SPAG16: variants seen among roughly 807,000 people sequenced by gnomAD.
The protein encoded by SPAG16 is sperm associated antigen 16.
SPAG16 carries 86 observed loss-of-function variants against 80.4 expected under a neutral mutation model. The observed-to-expected ratio is 1.07, with a 90% CI of 0.90 to 1.28. The LOEUF (loss-of-function observed/expected upper bound fraction) is 1.28, where lower values mean the gene tolerates loss of function less well. Among genes scored for constraint, SPAG16 ranks in the 50% most tolerant of loss-of-function variants. The probability of loss-of-function intolerance (pLI) is 0.00; values close to 1 mark genes in which losing one functional copy is unlikely to be tolerated. For missense variants in SPAG16, 870 were observed against 765.3 expected, an observed-to-expected ratio of 1.14 and a Z score of -1.61; for synonymous variants, 294 against 265.9, an observed-to-expected ratio of 1.11 and a Z score of -1.03.
chr2:213,340,410 C>A, intron 6 of SPAG16, 140 bp downstream of exon 6: 1 of 638,118 alleles, frequency 1.6e-6, no homozygotes, highest in Non-Finnish European at 2.7e-6. Flanking sequence ...CCCTTGCTGT[C>A]AAGGGTCTCA....
chr2:213,807,808 A>C (rs1212362176), intron 10 of SPAG16, among the ~76,000 whole-genome samples: 1 of 152,200 alleles, frequency 6.6e-6, no homozygotes, highest in Non-Finnish European at 1.5e-5. Context: ...AAATTGTGTT[A>C]ATTCATAATG....
intron 11 of SPAG16, among the ~76,000 whole-genome samples, chr2:213,867,589 TATC>T (rs1403054492): frequency 6.6e-6 from 1 of 152,272 alleles, no homozygotes; most frequent in South Asian, 2.1e-4. Flanking sequence ...AAATGTTAGC[TATC>T]ATCATATTTT....
At chr2:214,376,341 T>C (rs1700129648) in intron 15 of SPAG16, among the ~76,000 whole-genome samples, 1 of 152,188 alleles carries the variant, frequency 6.6e-6, no homozygotes, top group South Asian at 2.1e-4. Context: ...AACAACTTAG[T>C]AACTTAGTAA....
At chr2:214,357,513 A>G (rs1442515958) in intron 15 of SPAG16, among the ~76,000 whole-genome samples, 3 of 151,674 alleles carry the variant, frequency 2.0e-5, no homozygotes, top group African/African-American at 4.8e-5. Flanking sequence ...TGAGTTTCTC[A>G]TTTCAATTCT....
intron 3 of SPAG16, among the ~76,000 whole-genome samples, chr2:213,299,677 C>G (rs1184957327): frequency 6.6e-6 from 1 of 151,954 alleles, no homozygotes; most frequent in Non-Finnish European, 1.5e-5. Flanking sequence ...GTATTTGATA[C>G]TATCCGTTTT....
intron 6 of SPAG16, among the ~76,000 whole-genome samples, chr2:213,340,900 T>A (rs547216540): frequency 6.6e-6 from 1 of 152,198 alleles, no homozygotes; most frequent in African/African-American, 2.4e-5. Context: ...AAGGCAGTGC[T>A]ATCCAACAGA....
At chr2:213,896,654 T>C (rs1478574359) in intron 11 of SPAG16, among the ~76,000 whole-genome samples, 1 of 151,346 alleles carries the variant, frequency 6.6e-6, no homozygotes, top group Admixed American at 6.6e-5. Context: ...ATTATGTGTG[T>C]GTTTATATAT....
intron 4 of SPAG16, among the ~76,000 whole-genome samples, chr2:213,312,606 A>AT (rs1312705802): frequency 6.6e-6 from 1 of 151,638 alleles, no homozygotes; most frequent in Non-Finnish European, 1.5e-5. Context: ...TTTACTTCGT[A>AT]TTCAACACTT....
intron 11 of SPAG16, among the ~76,000 whole-genome samples, chr2:213,927,760 A>G (rs2078551400): frequency 6.6e-6 from 1 of 152,216 alleles, no homozygotes; most frequent in Non-Finnish European, 1.5e-5. Flanking sequence ...TATAAAACTT[A>G]TATGAGAGGG....
chr2:214,258,118 T>A (rs1424921964), intron 15 of SPAG16, among the ~76,000 whole-genome samples: 1 of 152,046 alleles, frequency 6.6e-6, no homozygotes, highest in Middle Eastern at 3.2e-3. Context: ...TTCAGTAGGT[T>A]TGGGAGAACA....
In SPAG16 at chr2:214,062,667, CTTTTTTTT is replaced by C. The variant is rs36069141; in HGVS notation, c.1528-45516_1528-45509del. 4.9e-5 allele frequency among the ~76,000 whole-genome samples: 6 copies of C among 122,772 alleles called. No homozygotes were observed. The Admixed American group carries it at 5.3e-4, about 11-fold the overall frequency. The allele number at this position is 122,772 out of a possible 152,430, so 80.5% of individuals were successfully genotyped here. A position where few individuals can be genotyped will look rare whatever the true frequency, so the allele number is the denominator to read the frequency against. ...ACCGCACCTGTTGTAATAGCCTCCT[CTTTTTTTT>C]TTTTTTTTTTTTAGTCTCTGCTCTC... is the stretch of plus-strand genomic sequence containing the variant. On this transcript the variant is annotated intron_variant, in intron 13 of 15. Transcript: ENST00000331683.
At chr2:213,388,591 C>T (rs1029696967) in intron 9 of SPAG16, among the ~76,000 whole-genome samples, 2 of 152,068 alleles carry the variant, frequency 1.3e-5, no homozygotes, top group African/African-American at 4.8e-5. Flanking sequence ...TAAATAAACA[C>T]AAACAATAGT....
intron 3 of SPAG16, among the ~76,000 whole-genome samples, chr2:213,308,332 T>A (rs1015406703): frequency 2.6e-5 from 4 of 152,152 alleles, no homozygotes; most frequent in African/African-American, 7.2e-5. Flanking sequence ...ATTTTTCTAG[T>A]TTTAGGTCTG....
intron 9 of SPAG16, among the ~76,000 whole-genome samples, chr2:213,387,982 CT>C (rs2067537689): frequency 6.6e-6 from 1 of 152,098 alleles, no homozygotes. Context: ...AACAATGGCA[CT>C]AGCAAAATCT....
At chr2:214,306,728 T>C (rs1388351441) in intron 15 of SPAG16, among the ~76,000 whole-genome samples, 1 of 152,232 alleles carries the variant, frequency 6.6e-6, no homozygotes, top group East Asian at 1.9e-4. Context: ...TAATGCTGAC[T>C]TGATCTTGGT....
intron 14 of SPAG16, among the ~76,000 whole-genome samples, chr2:214,112,595 G>A (rs563829933): frequency 6.8e-6 from 1 of 147,448 alleles, no homozygotes; most frequent in Admixed American, 6.8e-5. Flanking sequence ...GATCTTTGTT[G>A]GTTTAAAGTC....
At chr2:213,532,819 C>T (rs1458544929) in intron 10 of SPAG16, among the ~76,000 whole-genome samples, 5 of 152,076 alleles carry the variant, frequency 3.3e-5, no homozygotes, top group Non-Finnish European at 7.4e-5. Context: ...TAAGTTTATT[C>T]TCTCAGTATT....
At chr2:213,827,316 G>A (rs192717566) in intron 10 of SPAG16, among the ~76,000 whole-genome samples, 2 of 151,332 alleles carry the variant, frequency 1.3e-5, no homozygotes, top group Non-Finnish European at 3.0e-5. Context: ...TTAATTTCTT[G>A]CATCTTATTT....
At chr2:213,327,133 G>A (rs1199314596) in intron 5 of SPAG16, among the ~76,000 whole-genome samples, 5 of 145,192 alleles carry the variant, frequency 3.4e-5, no homozygotes, top group Non-Finnish European at 6.0e-5. Context: ...TCTTAACAGC[G>A]TTGTACTTGA....
Sources: allele counts gnomAD v4.1 joint callset (sites outside exome capture counted in the v4.1 genomes callset), GRCh38; gene constraint gnomAD v4.1.1; transcripts MANE v1.5; gene names NCBI Gene and HGNC (gene_info 2026-07-23, HGNC 2026-07-21).